The following NTM variants were observed in gnomAD, a reference collection of about 807,000 sequenced individuals.
NTM encodes the protein IgLON family member 2.
Under a neutral mutation model 42.1 loss-of-function variants are expected in NTM, and 13 were observed. The ratio of observed to expected loss-of-function variants is 0.31; its 90% confidence interval spans 0.20 to 0.49. The LOEUF is 0.49. Among genes scored for constraint, NTM ranks in the 20% least tolerant of loss-of-function variants. NTM has a pLI of 0.99. For synonymous variants in NTM, 187 were observed against 179.2 expected (o/e 1.04, Z -0.35); for missense variants, 373 against 452.8 (o/e 0.82, Z 1.60).
chr11:132,329,190 C>T (rs2095749392), intron 7 of NTM, among the ~76,000 whole-genome samples: 1 of 152,180 alleles, frequency 6.6e-6, no homozygotes, highest in African/African-American at 2.4e-5. Flanking sequence ...GACCTTTGCA[C>T]AGAGAACACA....
At chr11:131,515,852 G>C (rs1011551645) in intron 1 of NTM, among the ~76,000 whole-genome samples, 12 of 152,210 alleles carry the variant, frequency 7.9e-5, no homozygotes, top group Middle Eastern at 6.8e-3. Flanking sequence ...AGTCATTTTT[G>C]TTAAATTATC....
At chr11:131,789,429 G>GAAGAAGAA (rs1555127048) in intron 1 of NTM, among the ~76,000 whole-genome samples, 2 of 11,964 alleles carry the variant, frequency 1.7e-4, no homozygotes, top group African/African-American at 1.0e-3. Flanking sequence ...AAAAGAAGAA[G>GAAGAAGAA]GAAGAAGAAG....
intron 1 of NTM, among the ~76,000 whole-genome samples, chr11:131,620,100 G>T (rs369312797): frequency 1.2e-4 from 19 of 152,226 alleles, no homozygotes; most frequent in African/African-American, 4.3e-4. Flanking sequence ...ACTGCACTTG[G>T]CACCACTGAA....
intron 2 of NTM, among the ~76,000 whole-genome samples, chr11:131,933,598 C>G (rs1467997406): frequency 6.6e-6 from 1 of 151,998 alleles, no homozygotes; most frequent in Non-Finnish European, 1.5e-5. Context: ...CTGGACTGTG[C>G]CTTAGGTCTC....
At chr11:131,576,090 G>A (rs537113422) in intron 1 of NTM, among the ~76,000 whole-genome samples, 7 of 152,264 alleles carry the variant, frequency 4.6e-5, no homozygotes, top group Middle Eastern at 6.8e-3. Flanking sequence ...GCTGGAAAAA[G>A]GGAGTCAGTA....
At chr11:131,945,159 A>G (rs950611676) in intron 2 of NTM, among the ~76,000 whole-genome samples, 2 of 152,244 alleles carry the variant, frequency 1.3e-5, no homozygotes, top group South Asian at 2.1e-4. Flanking sequence ...ACAAAATTGC[A>G]TAAGTCAAGT....
At chr11:132,199,755 T>A (rs946246423) in intron 3 of NTM, among the ~76,000 whole-genome samples, 1 of 152,074 alleles carries the variant, frequency 6.6e-6, no homozygotes, top group East Asian at 1.9e-4. Context: ...TTTACTTGTG[T>A]TGCTAATGCA....
intron 7 of NTM, chr11:132,315,001 A>G: frequency 8.6e-7 from 1 of 1,158,752 alleles, no homozygotes; most frequent in Non-Finnish European, 1.1e-6. Flanking sequence ...AATGAAAAAG[A>G]ATGTTCATGT....
rs377739708 is a variant in NTM at position 131,432,839 on chromosome 11, C to CTTTTTTTTTTTTTTTTTTTTTTTTTTT, written c.82+61957_82+61983dup. Among the ~76,000 whole-genome samples the CTTTTTTTTTTTTTTTTTTTTTTTTTTT allele has an allele frequency of 8.3e-4, 57 of 68,704 alleles. 8 individuals carry two copies. Among genetic ancestry groups the CTTTTTTTTTTTTTTTTTTTTTTTTTTT allele is most frequent in the Non-Finnish European group, 1.1e-3 (41 of 38,812 alleles). 45.1% of individuals were successfully genotyped at this position (68,704 alleles called of 152,430 possible). On this transcript the variant is annotated intron_variant, in intron 1 of 8. Transcript: ENST00000683400. The stretch of plus-strand genomic sequence containing the variant: ...CTACAAAAGATGAAGATTTAGCATT[C>CTTTTTTTTTTTTTTTTTTTTTTTTTTT]TTTTTTTTTTTTTTTTTTTTTTTTT...
chr11:132,330,385 C>T (rs1021927557), intron 8 of NTM, among the ~76,000 whole-genome samples, 200 bp downstream of exon 8: 1 of 152,152 alleles, frequency 6.6e-6, no homozygotes, highest in Non-Finnish European at 1.5e-5. Context: ...TAGGTAGATC[C>T]CACTTGCAGT....
chr11:131,674,118 G>T (rs1197200196), intron 1 of NTM, among the ~76,000 whole-genome samples: 1 of 152,342 alleles, frequency 6.6e-6, no homozygotes, highest in Middle Eastern at 3.4e-3. Flanking sequence ...CAGGAGGAAG[G>T]GTCCTAGCAC....
At chr11:131,824,956 G>A (rs1456946304) in intron 1 of NTM, among the ~76,000 whole-genome samples, 1 of 152,166 alleles carries the variant, frequency 6.6e-6, no homozygotes, top group Non-Finnish European at 1.5e-5. Flanking sequence ...TAGTTTGCTA[G>A]GGCTGCTGTA....
At chr11:132,291,551 G>T (rs1291627194) in intron 4 of NTM, among the ~76,000 whole-genome samples, 1 of 152,162 alleles carries the variant, frequency 6.6e-6, no homozygotes, top group Non-Finnish European at 1.5e-5. Flanking sequence ...AGATATAAAT[G>T]TGTGAGTTAT....
intron 1 of NTM, among the ~76,000 whole-genome samples, chr11:131,827,508 C>T (rs567080958): frequency 6.6e-6 from 1 of 152,254 alleles, no homozygotes; most frequent in South Asian, 2.1e-4. Flanking sequence ...TGTTTCAGTT[C>T]CTGGGTATCC....
intron 1 of NTM, among the ~76,000 whole-genome samples, chr11:131,624,575 T>C (rs554450769): frequency 1.3e-5 from 2 of 152,264 alleles, no homozygotes; most frequent in South Asian, 4.1e-4. Flanking sequence ...TATTTGCTGA[T>C]TCATTAGGGC....
chr11:131,916,197 G>A (rs2056330261), intron 2 of NTM, among the ~76,000 whole-genome samples: 2 of 152,246 alleles, frequency 1.3e-5, no homozygotes, highest in Non-Finnish European at 2.9e-5. Flanking sequence ...CTGGGTGGAA[G>A]TGAGCAGACA....
intron 2 of NTM, among the ~76,000 whole-genome samples, chr11:132,088,303 C>T (rs950859140): frequency 1.3e-5 from 2 of 152,116 alleles, no homozygotes; most frequent in African/African-American, 4.8e-5. Context: ...GATGAGAAAG[C>T]TCAGAAATGA....
chr11:131,627,911 G>T (rs1468382756), intron 1 of NTM, among the ~76,000 whole-genome samples: 1 of 152,102 alleles, frequency 6.6e-6, no homozygotes, highest in East Asian at 1.9e-4. Context: ...TCTAGAAAAC[G>T]AATTCAGGTT....
intron 1 of NTM, among the ~76,000 whole-genome samples, chr11:131,759,513 C>T (rs2083812024): frequency 6.6e-6 from 1 of 152,080 alleles, no homozygotes; most frequent in African/African-American, 2.4e-5. Context: ...TTCTCTCTTC[C>T]TCCTTTTTTT....
Sources: allele counts gnomAD v4.1 joint callset (sites outside exome capture counted in the v4.1 genomes callset), GRCh38; gene constraint gnomAD v4.1.1; transcripts MANE v1.5; gene names NCBI Gene and HGNC (gene_info 2026-07-23, HGNC 2026-07-21).